IGSF9B: variants seen among roughly 807,000 people sequenced by gnomAD.
The protein encoded by IGSF9B is immunoglobulin superfamily member 9B.
Under a neutral mutation model 143.7 loss-of-function variants are expected in IGSF9B, and 48 were observed. The observed-to-expected ratio is 0.33, with a 90% CI of 0.26 to 0.42. The LOEUF (loss-of-function observed/expected upper bound fraction) is 0.42, where lower values mean the gene tolerates loss of function less well. Ranked by LOEUF, IGSF9B falls within the 20% of genes least tolerant of loss-of-function variation. IGSF9B has a pLI of 1.00. For missense variants in IGSF9B, 1,706 were observed against 1,980.0 expected (o/e 0.86, Z 2.63); for synonymous variants, 903 against 833.1 (o/e 1.08, Z -1.44).
At chr11:133,938,353 G>A (rs538323413) in intron 3 of IGSF9B, among the ~76,000 whole-genome samples, 9 of 152,200 alleles carry the variant, frequency 5.9e-5, no homozygotes, top group Admixed American at 3.9e-4. Context: ...CCAGGCCCCC[G>A]CGTTTCCAGG....
chr11:133,914,701 T>G (rs566784473), intron 18 of IGSF9B, among the ~76,000 whole-genome samples: 4 of 151,226 alleles, frequency 2.6e-5, no homozygotes, highest in Admixed American at 6.6e-5. Flanking sequence ...CCTCACCCAA[T>G]GTGGGAGGAA....
At chr11:133,926,868 C>G in intron 13 of IGSF9B, 48 bp downstream of exon 13, 1 of 1,499,282 alleles carries the variant, frequency 6.7e-7, no homozygotes, top group Non-Finnish European at 9.0e-7. Context: ...CCACCGCCCC[C>G]ACCACCTCTA....
At chr11:133,925,537 T>C (rs1429958330) in intron 14 of IGSF9B, among the ~76,000 whole-genome samples, 1 of 152,160 alleles carries the variant, frequency 6.6e-6, no homozygotes, top group African/African-American at 2.4e-5. Flanking sequence ...GCCCCAGAGC[T>C]GGCCCCGAGC....
Position 133,907,194 on chromosome 11 carries a change from C to T in IGSF9B, c.*1875G>A, listed in dbSNP as rs1279832552. Among the ~76,000 whole-genome samples, 1 of 152,196 alleles carries T rather than the reference C, an allele frequency of 6.6e-6. No individual in the cohort carries two copies. Among genetic ancestry groups the T allele is most frequent in the Admixed American group, 6.5e-5 (1 of 15,286 alleles). On this transcript the variant is annotated 3_prime_UTR_variant, in exon 20 of 20. Transcript: ENST00000533871. ...AAAGGAACTGCGGTGGTGTTACTTG[C>T]ACGGTAAACCTCAAGGGTGGAGCTG...
rs1438145866 is a variant in IGSF9B at position 133,898,822 on chromosome 11, C to T, written c.*10247G>A. 6.6e-6 allele frequency: 1 copy of T among 152,340 alleles called. No individual in the cohort carries two copies. Among genetic ancestry groups the T allele is most frequent in the African/African-American group, 2.4e-5 (1 of 41,476 alleles). The allele number at this position is 152,340 out of a possible 1,614,324, so 9.4% of individuals were successfully genotyped here. ...ACCCTCCAATGCCACAGGCAACCCC[C>T]TGTGGACAGGAAGTGTGTGTGCAGG... On this transcript the variant is annotated 3_prime_UTR_variant, in exon 20 of 20. Transcript: ENST00000533871.
chr11:133,924,464 T>A (rs1939589937), intron 15 of IGSF9B, among the ~76,000 whole-genome samples: 1 of 152,224 alleles, frequency 6.6e-6, no homozygotes, highest in Non-Finnish European at 1.5e-5. Context: ...TGACCTGTTG[T>A]TTCCTCCGAT....
Position 133,924,702 on chromosome 11 carries a change from ACTG to A in IGSF9B, c.2119+115_2119+117del. On this transcript the variant is annotated intron_variant, in intron 15 of 19. Transcript: ENST00000533871. The stretch of plus-strand genomic sequence containing the variant: ...ATGACTCACGCAGCTGCAACCAGGC[ACTG>A]CCTTAGTTTCCAATCCAGCTTCTCC... The A allele has an allele frequency of 3.7e-6, 3 of 805,516 alleles. No homozygotes were observed. In the Admixed American group the frequency reaches 6.0e-5, roughly 16 times the overall value. The allele number at this position is 805,516 out of a possible 1,614,324, so 49.9% of individuals were successfully genotyped here.
At chr11:133,950,320 A>G (rs1412243963) in intron 1 of IGSF9B, among the ~76,000 whole-genome samples, 1 of 152,208 alleles carries the variant, frequency 6.6e-6, no homozygotes, top group Non-Finnish European at 1.5e-5. Context: ...GCTGGCATGC[A>G]AGCCTCGCGT....
At chr11:133,930,597 G>A (rs569826760) in intron 11 of IGSF9B, among the ~76,000 whole-genome samples, 12 of 152,244 alleles carry the variant, frequency 7.9e-5, no homozygotes, top group Non-Finnish European at 1.3e-4. Flanking sequence ...TGGCCTGCAG[G>A]TCTCAGCTCT....
intron 18 of IGSF9B, among the ~76,000 whole-genome samples, chr11:133,916,203 C>T (rs1014291968): frequency 1.2e-4 from 18 of 152,068 alleles, no homozygotes; most frequent in African/African-American, 4.4e-4. Context: ...CCCCACAGTC[C>T]ACAGAAAGGA....
rs535903099 is a variant in IGSF9B at position 133,907,732 on chromosome 11, C to T, written c.*1337G>A. ...AGACCCTACTCACCACCCCTCCCGC[C>T]TTCATTCCTACGCCTCAGCCACAGA... On this transcript the variant is annotated 3_prime_UTR_variant, in exon 20 of 20. Transcript: ENST00000533871. 2.0e-4 allele frequency among the ~76,000 whole-genome samples: 30 copies of T among 152,320 alleles called. No homozygotes were observed. The highest frequency in any genetic ancestry group is 7.0e-4 in the African/African-American group (29 of 41,564).
At position 133,902,143 on chromosome 11, in the gene IGSF9B, AACACACCAG is replaced by A. The variant is rs1188879141; in HGVS notation, c.*6917_*6925del. On this transcript the variant is annotated 3_prime_UTR_variant, in exon 20 of 20. Coordinates refer to ENST00000533871, the MANE Select transcript of IGSF9B (RefSeq NM_001277285.4). ...CACACACAGTCCATGTACCACACCA[AACACACCAG>A]ACACACCACACACACCAAACACACA... Among the ~76,000 whole-genome samples, 2 of 145,414 alleles carry A rather than the reference AACACACCAG, an allele frequency of 1.4e-5. No individual in the cohort carries two copies. Among genetic ancestry groups the A allele is most frequent in the East Asian group, 4.2e-4 (2 of 4,758 alleles).
rs1939049457 is a variant in IGSF9B at position 133,898,063 on chromosome 11, G to A, written c.*11006C>T. ...GGGAGGAAGGAGATTCAGCCCAACT[G>A]GCCTCTTCGAGAACAGCACCATGAA... On this transcript the variant is annotated 3_prime_UTR_variant, in exon 20 of 20. Coordinates refer to ENST00000533871, the MANE Select transcript of IGSF9B (RefSeq NM_001277285.4). The A allele has an allele frequency of 6.6e-6, 1 of 152,136 alleles. No homozygotes were observed. Among genetic ancestry groups the A allele is most frequent in the Non-Finnish European group, 1.5e-5 (1 of 68,028 alleles). The allele number at this position is 152,136 out of a possible 1,614,324, so 9.4% of individuals were successfully genotyped here. A position where few individuals can be genotyped will look rare whatever the true frequency, so the allele number is the denominator to read the frequency against.
chr11:133,946,251 G>C lies in IGSF9B; in HGVS notation c.72C>G (p.His24Gln), dbSNP rs766713258. 1.2e-6 allele frequency: 2 copies of C among 1,613,046 alleles called. No homozygotes were observed. The change falls in exon 2 of 20, where the codon CAC becomes CAG. Residue 24 changes from histidine to glutamine, a missense_variant. His to Gln is a conservative substitution (Grantham distance 24, BLOSUM62 0). This residue lies in a region of IGSF9B where 171 missense variants were observed against 213.9 expected (regional missense o/e 0.80). Transcript: ENST00000533871. Reference protein sequence around the residue: ...GTRGLAAEGAHGLREEPEFVT... With the variant: ...GTRGLAAEGAQGLREEPEFVT... ...CAAACTCGGGCTCCTCTCGCAGGCC[G>C]TGGGCGCCTGATGGGGACGGCCAGG...
At position 133,899,220 on chromosome 11, in the gene IGSF9B, G is replaced by A. The variant is rs1027411181; in HGVS notation, c.*9849C>T. ...GGAAGAGCTCAGGCTCCTGGCAGTG[G>A]CTGTGGGCCGTAAAAGCTCCATCAG... On this transcript the variant is annotated 3_prime_UTR_variant, in exon 20 of 20. Transcript: ENST00000533871. The A allele has an allele frequency of 1.3e-5, 2 of 152,300 alleles. No homozygotes were observed. The highest frequency in any genetic ancestry group is 2.9e-5 in the Non-Finnish European group (2 of 68,102). The allele number at this position is 152,300 out of a possible 1,614,324, so 9.4% of individuals were successfully genotyped here.
Position 133,922,483 on chromosome 11 carries a change from G to C in IGSF9B, c.2281+86C>G. 8 of 1,314,712 alleles carry C rather than the reference G, an allele frequency of 6.1e-6. 1 individual carries two copies. The South Asian group carries it at 1.1e-4, about 18-fold the overall frequency. The allele number at this position is 1,314,712 out of a possible 1,614,324, so 81.4% of individuals were successfully genotyped here. A position where few individuals can be genotyped will look rare whatever the true frequency, so the allele number is the denominator to read the frequency against. On this transcript the variant is annotated intron_variant, in intron 16 of 19. Coordinates refer to ENST00000533871, the MANE Select transcript of IGSF9B (RefSeq NM_001277285.4). ...TCTCAATGTCCCTATTTCCAAGGGG[G>C]GCCATGCTAAAAATGGTCCACCTCT...
intron 18 of IGSF9B, chr11:133,919,131 G>GT: frequency 5.3e-6 from 2 of 380,798 alleles, no homozygotes; most frequent in Non-Finnish European, 5.3e-6. Context: ...GGGGGGGGTG[G>GT]GGGACGTGTC....
At chr11:133,934,170 GGA>G (rs1423329915) in intron 7 of IGSF9B, among the ~76,000 whole-genome samples, 1 of 152,132 alleles carries the variant, frequency 6.6e-6, no homozygotes, top group African/African-American at 2.4e-5. Flanking sequence ...CTGGCGCTGG[GGA>G]GAGACAGGGA....
rs1226328238 is a variant in IGSF9B at position 133,906,913 on chromosome 11, G to A, written c.*2156C>T. Reference sequence around the variant, plus strand: ...CAACACCTCAGGTAAGCCGGCTCCCGTCATCCCCCAGGAGAGACGCCCAAG... The same window carrying A: ...CAACACCTCAGGTAAGCCGGCTCCCATCATCCCCCAGGAGAGACGCCCAAG... On this transcript the variant is annotated 3_prime_UTR_variant, in exon 20 of 20. Coordinates refer to ENST00000533871, the MANE Select transcript of IGSF9B (RefSeq NM_001277285.4). Among the ~76,000 whole-genome samples the A allele has an allele frequency of 6.6e-6, 1 of 152,050 alleles. No individual in the cohort carries two copies. The highest frequency in any genetic ancestry group is 2.4e-5 in the African/African-American group (1 of 41,386).
Sources: gnomAD v4.1 joint callset for allele counts (sites outside exome capture counted in the v4.1 genomes callset) on GRCh38, gnomAD v4.1.1 for gene constraint, gnomAD v4.1.1 regional missense constraint, MANE v1.5 for transcripts, NCBI Gene and HGNC (gene_info 2026-07-23, HGNC 2026-07-21) for gene names.